Variants in CLNK observed in about 807,000 individuals in gnomAD.
The protein encoded by CLNK is cytokine-dependent hematopoietic cell linker.
In CLNK, 74 loss-of-function variants were observed where a neutral mutation model predicts 68.6. The observed-to-expected ratio is 1.08, with a 90% CI of 0.89 to 1.31. The LOEUF is 1.31. CLNK is among the 50% of genes most tolerant of loss of function. The pLI, the probability that CLNK is intolerant of heterozygous loss-of-function variation, is 0.00. For synonymous variants in CLNK, 198 were observed against 172.2 expected, an observed-to-expected ratio of 1.15 and a Z score of -1.17; for missense variants, 553 against 515.3, an observed-to-expected ratio of 1.07 and a Z score of -0.71.
intron 2 of CLNK, among the ~76,000 whole-genome samples, chr4:10,660,350 C>T (rs779484316): frequency 1.3e-5 from 2 of 152,110 alleles, no homozygotes; most frequent in African/African-American, 2.4e-5. Context: ...CATTGGGAGA[C>T]ATTATACATA....
At chr4:10,649,070 G>A (rs1723628636) in intron 2 of CLNK, among the ~76,000 whole-genome samples, 2 of 152,098 alleles carry the variant, frequency 1.3e-5, no homozygotes, top group African/African-American at 2.4e-5. Context: ...TTTGTAAAAC[G>A]TTAGTGAATC....
At chr4:10,630,359 T>A (rs1228328798) in intron 2 of CLNK, among the ~76,000 whole-genome samples, 1 of 152,086 alleles carries the variant, frequency 6.6e-6, no homozygotes, top group Non-Finnish European at 1.5e-5. Flanking sequence ...TGGAAAAAAA[T>A]GGAGATTCAT....
intron 4 of CLNK, among the ~76,000 whole-genome samples, chr4:10,577,641 A>T (rs919911634): frequency 2.6e-5 from 4 of 152,044 alleles, no homozygotes; most frequent in Non-Finnish European, 5.9e-5. Context: ...TGGAGTACAG[A>T]CATCACGATT....
chr4:10,531,811 C>T (rs554159603), intron 12 of CLNK: 47 of 458,258 alleles, frequency 1.0e-4, no homozygotes, highest in African/African-American at 8.4e-4. Context: ...GTTCACAAAG[C>T]GAGTAGGTGG....
intron 2 of CLNK, among the ~76,000 whole-genome samples, chr4:10,603,729 G>A (rs111601704): frequency 1.3e-5 from 2 of 152,334 alleles, no homozygotes; most frequent in African/African-American, 4.8e-5. Flanking sequence ...GGAAGGCCAG[G>A]TCTATGCACT....
chr4:10,599,527 T>C (rs1214301186), intron 2 of CLNK, among the ~76,000 whole-genome samples: 1 of 152,248 alleles, frequency 6.6e-6, no homozygotes, highest in Non-Finnish European at 1.5e-5. Context: ...TTAATTCACA[T>C]ATTTCCATCT....
At chr4:10,550,290 G>A (rs1441247562) in intron 8 of CLNK, among the ~76,000 whole-genome samples, 1 of 151,932 alleles carries the variant, frequency 6.6e-6, no homozygotes, top group Non-Finnish European at 1.5e-5. Context: ...TCGGGAGATC[G>A]AGACCATCCT....
chr4:10,712,324 G>A, the CLNK span, among the ~76,000 whole-genome samples: 146 of 152,250 alleles, frequency 9.6e-4, 1 homozygote, highest in African/African-American at 3.4e-3. Flanking sequence ...TGGGGTGGTG[G>A]TGGTGGTGGT....
chr4:10,537,727 C>CTTTCTTCCTTTCTT (rs1718851508), intron 11 of CLNK, among the ~76,000 whole-genome samples: 1 of 121,198 alleles, frequency 8.3e-6, no homozygotes, highest in African/African-American at 3.2e-5. Context: ...TTCTTTCTTT[C>CTTTCTTCCTTTCTT]TTTCTTTCTT....
the CLNK span, among the ~76,000 whole-genome samples, chr4:10,699,044 G>C: frequency 6.6e-6 from 1 of 151,828 alleles, no homozygotes; most frequent in African/African-American, 2.4e-5. Context: ...TACACCATTG[G>C]CTTTCCCAGT....
chr4:10,608,764 C>G (rs1041034020), intron 2 of CLNK, among the ~76,000 whole-genome samples: 1 of 152,192 alleles, frequency 6.6e-6, no homozygotes, highest in Non-Finnish European at 1.5e-5. Flanking sequence ...GTTCGGGCTG[C>G]TATAACAAAT....
chr4:10,687,720 A>C (rs4501215), upstream of CLNK, among the ~76,000 whole-genome samples: 1 of 151,858 alleles, frequency 6.6e-6, no homozygotes, highest in East Asian at 1.9e-4. Flanking sequence ...AAGAGGCTCA[A>C]TCTCAGGCCA....
intron 2 of CLNK, among the ~76,000 whole-genome samples, chr4:10,634,523 G>A (rs1160498551): frequency 1.3e-5 from 2 of 152,206 alleles, no homozygotes; most frequent in Non-Finnish European, 2.9e-5. Context: ...CTAAGGAAGA[G>A]CAAAGAACCC....
the CLNK span, among the ~76,000 whole-genome samples, chr4:10,690,518 A>G: frequency 6.6e-6 from 1 of 152,228 alleles, no homozygotes; most frequent in East Asian, 1.9e-4. Context: ...TCTTTAAAAA[A>G]AGATAGAAGT....
intron 5 of CLNK, 150 bp from the exon 6 acceptor site, chr4:10,566,300 T>C (rs1720111924): frequency 1.3e-6 from 1 of 756,432 alleles, no homozygotes; most frequent in Non-Finnish European, 2.1e-6. Context: ...AATAGAAGTT[T>C]AATTCTTGTG....
intron 2 of CLNK, among the ~76,000 whole-genome samples, chr4:10,661,700 G>T (rs995713855): frequency 6.6e-6 from 1 of 152,202 alleles, no homozygotes; most frequent in Non-Finnish European, 1.5e-5. Context: ...GTATTGCAGA[G>T]AAATATCACT....
chr4:10,503,897 C>G (rs1717167113), intron 17 of CLNK, among the ~76,000 whole-genome samples: 2 of 148,216 alleles, frequency 1.3e-5, no homozygotes, highest in Admixed American at 6.8e-5. Context: ...ATTCTCCTGC[C>G]TCAGCCTCCT....
intron 12 of CLNK, among the ~76,000 whole-genome samples, chr4:10,528,900 C>T (rs1425582168): frequency 6.6e-6 from 1 of 152,142 alleles, no homozygotes; most frequent in African/African-American, 2.4e-5. Flanking sequence ...TCTTCCCAAA[C>T]ATTTTCTTTC....
At chr4:10,688,060 C>T (rs1725332321), upstream of CLNK, among the ~76,000 whole-genome samples, 1 of 152,116 alleles carries the variant, frequency 6.6e-6, no homozygotes, top group African/African-American at 2.4e-5. Flanking sequence ...AATACTTACT[C>T]AGAGGAGTGG....
Sources: gnomAD v4.1 joint callset for allele counts (sites outside exome capture counted in the v4.1 genomes callset) on GRCh38, gnomAD v4.1.1 for gene constraint, MANE v1.5 for transcripts, NCBI Gene and HGNC (gene_info 2026-07-23, HGNC 2026-07-21) for gene names.